The following SCEL variants were observed in gnomAD, a reference collection of about 807,000 sequenced individuals.
SCEL encodes the protein sciellin.
Under a neutral mutation model 117.6 loss-of-function variants are expected in SCEL, and 113 were observed. The observed-to-expected ratio is 0.96, with a 90% confidence interval of 0.83 to 1.12. The LOEUF (loss-of-function observed/expected upper bound fraction) is 1.12. SCEL is among the 50% of genes most tolerant of loss of function. The probability of loss-of-function intolerance (pLI) is 0.00; values close to 1 mark genes in which losing one functional copy is unlikely to be tolerated. For missense variants in SCEL, 785 were observed against 810.8 expected (o/e 0.97, Z 0.39); for synonymous variants, 270 against 256.2 (o/e 1.05, Z -0.51).
At chr13:77,585,029 A>C (rs918448974) in intron 9 of SCEL, among the ~76,000 whole-genome samples, 2 of 152,222 alleles carry the variant, frequency 1.3e-5, no homozygotes, top group East Asian at 1.9e-4. Flanking sequence ...TGACAGTGGA[A>C]TTCTCCTATG....
intron 28 of SCEL, among the ~76,000 whole-genome samples, chr13:77,632,034 T>A (rs2090045903): frequency 6.6e-6 from 1 of 152,230 alleles, no homozygotes; most frequent in Non-Finnish European, 1.5e-5. Flanking sequence ...GTAAGATATC[T>A]CTGGTAGCTC....
intron 1 of SCEL, among the ~76,000 whole-genome samples, chr13:77,552,466 T>A (rs556457944): frequency 2.0e-5 from 3 of 152,114 alleles, no homozygotes; most frequent in South Asian, 2.1e-4. Flanking sequence ...CATTTTTTCA[T>A]GTGTTTTTTG....
At chr13:77,613,810 A>T (rs552392770) in intron 23 of SCEL, 83 bp from the exon 24 acceptor site, 1 of 1,023,794 alleles carries the variant, frequency 9.8e-7, no homozygotes, top group South Asian at 1.3e-5. Context: ...TTACACTAGG[A>T]TTCTATTGAA....
At chr13:77,553,029 T>C (rs965206826) in intron 1 of SCEL, among the ~76,000 whole-genome samples, 1 of 152,204 alleles carries the variant, frequency 6.6e-6, no homozygotes, top group Admixed American at 6.5e-5. Flanking sequence ...AGATATGTGG[T>C]GTCAAGAACA....
chr13:77,634,649 T>C (rs1668840833), intron 29 of SCEL, among the ~76,000 whole-genome samples, 199 bp downstream of exon 29: 1 of 152,192 alleles, frequency 6.6e-6, no homozygotes, highest in Non-Finnish European at 1.5e-5. Context: ...TTATAGTCAT[T>C]AGATGAACTC....
intron 1 of SCEL, 75 bp from the exon 2 acceptor site, chr13:77,555,782 C>G: frequency 2.1e-6 from 2 of 958,304 alleles, no homozygotes; most frequent in Admixed American, 3.5e-5. Flanking sequence ...AAAAGTGAAT[C>G]TCAGTCATGA....
chr13:77,590,031 T>G (rs1169974086), intron 10 of SCEL, among the ~76,000 whole-genome samples: 2 of 152,186 alleles, frequency 1.3e-5, no homozygotes, highest in Non-Finnish European at 2.9e-5. Flanking sequence ...CTTGATTGCC[T>G]ACTGTTGCTT....
At chr13:77,568,699 C>T (rs2085424209) in intron 7 of SCEL, among the ~76,000 whole-genome samples, 1 of 152,134 alleles carries the variant, frequency 6.6e-6, no homozygotes, top group African/African-American at 2.4e-5. Flanking sequence ...CCACCCTTCA[C>T]ATCTATGCCT....
At chr13:77,640,176 A>G (rs2090493386) in intron 30 of SCEL, among the ~76,000 whole-genome samples, 2 of 152,074 alleles carry the variant, frequency 1.3e-5, no homozygotes, top group South Asian at 4.2e-4. Context: ...TGGCCCCTAC[A>G]GTCCCAGGCA....
intron 8 of SCEL, among the ~76,000 whole-genome samples, chr13:77,571,847 A>G (rs990066141): frequency 7.9e-5 from 12 of 152,034 alleles, no homozygotes; most frequent in East Asian, 3.9e-4. Context: ...AGACTTAACA[A>G]TTGTCATTGT....
At chr13:77,564,544 GT>G (rs1186102413) in intron 5 of SCEL, among the ~76,000 whole-genome samples, 3 of 152,122 alleles carry the variant, frequency 2.0e-5, no homozygotes, top group Admixed American at 1.3e-4. Context: ...CAAATTTTTA[GT>G]TTAGATTTGG....
intron 5 of SCEL, among the ~76,000 whole-genome samples, chr13:77,564,942 G>A (rs2085204277): frequency 6.6e-6 from 1 of 152,158 alleles, no homozygotes; most frequent in South Asian, 2.1e-4. Context: ...TGTAGTATAT[G>A]TACAAGATCT....
At chr13:77,609,302 T>C (rs551110003) in intron 21 of SCEL, among the ~76,000 whole-genome samples, 185 bp downstream of exon 21, 7 of 152,184 alleles carry the variant, frequency 4.6e-5, no homozygotes, top group Non-Finnish European at 8.8e-5. Flanking sequence ...AATGAGACAA[T>C]TACTCTTTGA....
At position 77,588,391 on chromosome 13, in the gene SCEL, C is replaced by T. The variant is rs187035752; in HGVS notation, c.546-753C>T. On this transcript the variant is annotated intron_variant, in intron 9 of 32. Transcript: ENST00000349847. ...CAGAAGCCAGAAGGGTACACAGGAT[C>T]AGAGGGTTCTTTTACCAGGTACAGA... Among the ~76,000 whole-genome samples the T allele has an allele frequency of 3.5e-4, 54 of 152,268 alleles. No homozygotes were observed. In the East Asian group the frequency reaches 9.4e-3, roughly 27 times the overall value.
At chr13:77,561,181 C>A (rs1399753452) in intron 4 of SCEL, among the ~76,000 whole-genome samples, 1 of 152,156 alleles carries the variant, frequency 6.6e-6, no homozygotes, top group Non-Finnish European at 1.5e-5. Context: ...TTGAGTCCAG[C>A]CACCTCTATG....
chr13:77,608,084 G>A lies in SCEL; in HGVS notation c.1186G>A (p.Val396Met), dbSNP rs1012959956. 1 of 1,613,528 alleles carries A rather than the reference G, an allele frequency of 6.2e-7. No individual in the cohort carries two copies. Residue 396 changes from valine (V) to methionine (M), a missense_variant, in exon 20 of 33, where the codon GTG (valine) becomes ATG (methionine). Transcript: ENST00000349847. ...RGQSLDNLIKVTPEVKRSNQG... is the reference protein window; with the variant it reads ...RGQSLDNLIKMTPEVKRSNQG... ...CCAGAGCCTTGATAATCTCATCAAAGTGACCCCTGAAGTAAAGAGAAGTAA... is the reference window on the plus strand; with the variant it reads ...CCAGAGCCTTGATAATCTCATCAAAATGACCCCTGAAGTAAAGAGAAGTAA...
intron 26 of SCEL, 27 bp downstream of exon 26, chr13:77,617,889 T>G: frequency 6.3e-7 from 1 of 1,590,416 alleles, no homozygotes; most frequent in Non-Finnish European, 8.6e-7. Context: ...TCAATTCATG[T>G]TTTTATTTGT....
At position 77,612,575 on chromosome 13, in the gene SCEL, T is replaced by C. The variant is rs560725421; in HGVS notation, c.1338-316T>C. On this transcript the variant is annotated intron_variant, in intron 22 of 32. Coordinates refer to ENST00000349847, the MANE Select transcript of SCEL (RefSeq NM_144777.3). ...ATAATTTTATATTTTCTCTCGTGCA[T>C]TGTAACCTCCAGAAAATATTATAAA... Among the ~76,000 whole-genome samples, 123 of 151,390 alleles carry C rather than the reference T, an allele frequency of 8.1e-4. 1 individual carries two copies. Among genetic ancestry groups the C allele is most frequent in the Non-Finnish European group, 1.3e-3 (90 of 67,794 alleles).
intron 1 of SCEL, among the ~76,000 whole-genome samples, chr13:77,540,301 C>T (rs1257023867): frequency 6.6e-6 from 1 of 152,088 alleles, no homozygotes; most frequent in Non-Finnish European, 1.5e-5. Flanking sequence ...AGAAGATGGG[C>T]TTGGCCACTG....
Sources: gnomAD v4.1 joint callset for allele counts (sites outside exome capture counted in the v4.1 genomes callset) on GRCh38, gnomAD v4.1.1 for gene constraint, MANE v1.5 for transcripts, NCBI Gene and HGNC (gene_info 2026-07-23, HGNC 2026-07-21) for gene names.